The following DAB1 variants were observed in gnomAD, a reference collection of about 807,000 sequenced individuals.
DAB1 encodes DAB adaptor protein 1, also known as disabled homolog 1.
DAB1 carries 15 observed loss-of-function variants against 64.6 expected under a neutral mutation model. That is an observed-to-expected ratio of 0.23 (90% CI 0.16 to 0.36). The LOEUF is 0.36. Ranked by LOEUF, DAB1 falls within the 10% of genes least tolerant of loss-of-function variation. DAB1 has a pLI of 1.00. For synonymous variants in DAB1, 235 were observed against 251.9 expected, an observed-to-expected ratio of 0.93 and a Z score of 0.64; for missense variants, 596 against 706.7, an observed-to-expected ratio of 0.84 and a Z score of 1.78.
chr1:57,438,202 C>T (rs1685767887), intron 7 of DAB1, among the ~76,000 whole-genome samples: 1 of 151,656 alleles, frequency 6.6e-6, no homozygotes, highest in Non-Finnish European at 1.5e-5. Flanking sequence ...ACACAAAGAT[C>T]ATCTGAGATG....
At chr1:57,476,718 A>T (rs1010032165) in intron 7 of DAB1, among the ~76,000 whole-genome samples, 4 of 152,212 alleles carry the variant, frequency 2.6e-5, no homozygotes, top group African/African-American at 9.7e-5. Flanking sequence ...ACTGACATGT[A>T]AGCAGTTAAT....
intron 1 of DAB1, among the ~76,000 whole-genome samples, chr1:57,404,428 A>G (rs1190279834): frequency 1.3e-5 from 2 of 152,234 alleles, no homozygotes; most frequent in African/African-American, 2.4e-5. Flanking sequence ...TTCCCGTTTC[A>G]CAGATGAGAA....
At chr1:58,446,523 G>C (rs1645069544) in intron 3 of DAB1, among the ~76,000 whole-genome samples, 1 of 152,184 alleles carries the variant, frequency 6.6e-6, no homozygotes. Context: ...GCAAAGTACA[G>C]TCAAAAGGGC....
At position 57,695,352 on chromosome 1, in the gene DAB1, GAA is replaced by G. The variant is rs879803970; in HGVS notation, n.552-45689_552-45688del. Among the ~76,000 whole-genome samples the G allele has an allele frequency of 1.3e-3, 67 of 53,012 alleles. 4 individuals are homozygous for G. Among genetic ancestry groups the G allele is most frequent in the African/African-American group, 3.9e-3 (65 of 16,558 alleles). 34.8% of individuals were successfully genotyped at this position (53,012 alleles called of 152,430 possible). ...AGAAAGAAAGAAAGAAAGAAAGAAA[GAA>G]AAGAAAGAAGAAAGAAAGAAAGAAA... On this transcript the variant is annotated intron_variant and non_coding_transcript_variant, in intron 6 of 20. Coordinates refer to the DAB1 transcript ENST00000485760.
At chr1:57,022,808 A>G (rs1002538235) in intron 11 of DAB1, among the ~76,000 whole-genome samples, 1 of 152,280 alleles carries the variant, frequency 6.6e-6, no homozygotes, top group Non-Finnish European at 1.5e-5. Flanking sequence ...TATGTCAAAA[A>G]CAGAACTAAA....
chr1:58,497,505 G>A (rs1270185823), intron 3 of DAB1, among the ~76,000 whole-genome samples: 2 of 152,122 alleles, frequency 1.3e-5, no homozygotes, highest in African/African-American at 2.4e-5. Context: ...TCCAAAATAA[G>A]ACTCCAGGAG....
chr1:58,425,106 T>A (rs1228811407), intron 3 of DAB1, among the ~76,000 whole-genome samples: 1 of 152,278 alleles, frequency 6.6e-6, no homozygotes, highest in Non-Finnish European at 1.5e-5. Context: ...TGGAAGCTGA[T>A]ATCTTTGTCT....
At chr1:57,381,079 C>T (rs902664917) in intron 1 of DAB1, among the ~76,000 whole-genome samples, 5 of 152,106 alleles carry the variant, frequency 3.3e-5, no homozygotes, top group Non-Finnish European at 5.9e-5. Flanking sequence ...CCTCATGTTT[C>T]CCTGTCATTC....
intron 4 of DAB1, among the ~76,000 whole-genome samples, chr1:58,261,196 T>C (rs1569577406): frequency 6.6e-6 from 1 of 152,170 alleles, no homozygotes; most frequent in Non-Finnish European, 1.5e-5. Context: ...TTAAACTGCA[T>C]TCAGTGAACC....
intron 4 of DAB1, among the ~76,000 whole-genome samples, chr1:58,297,735 G>T (rs1004140219): frequency 6.6e-6 from 1 of 152,182 alleles, no homozygotes; most frequent in Non-Finnish European, 1.5e-5. Context: ...ATTAGAGAAG[G>T]CTTCCTGAAA....
intron 2 of DAB1, among the ~76,000 whole-genome samples, chr1:57,264,603 G>C (rs1300777641): frequency 6.6e-6 from 1 of 152,302 alleles, no homozygotes; most frequent in Admixed American, 6.5e-5. Context: ...CTGATGGTCA[G>C]TGATGTCCTG....
chr1:57,331,208 A>G (rs939002233), intron 1 of DAB1, among the ~76,000 whole-genome samples: 1 of 152,238 alleles, frequency 6.6e-6, no homozygotes, highest in Non-Finnish European at 1.5e-5. Context: ...GATAAGAACA[A>G]TAACAATTTA....
intron 1 of DAB1, chr1:57,866,343 A>C (rs951894794): frequency 2.6e-5 from 4 of 152,134 alleles, no homozygotes; most frequent in Non-Finnish European, 5.9e-5. Flanking sequence ...ATTCATTTAC[A>C]TCCTCAGAAC....
chr1:58,371,431 T>C (rs1003312534), intron 3 of DAB1, among the ~76,000 whole-genome samples: 2 of 152,104 alleles, frequency 1.3e-5, no homozygotes, highest in Admixed American at 6.6e-5. Flanking sequence ...TGGTTTGAAA[T>C]TGGAACTTAC....
chr1:58,294,595 A>T (rs577485183), intron 4 of DAB1, among the ~76,000 whole-genome samples: 3 of 152,192 alleles, frequency 2.0e-5, no homozygotes, highest in Non-Finnish European at 4.4e-5. Context: ...GATGTCACAG[A>T]AACATGTCAT....
intron 7 of DAB1, among the ~76,000 whole-genome samples, chr1:57,608,392 AAAAGAG>A (rs1436411561): frequency 1.3e-5 from 2 of 151,370 alleles, no homozygotes; most frequent in South Asian, 2.1e-4. Context: ...AGATATTAAA[AAAAGAG>A]AGAGAGAGAG....
At chr1:58,094,907 C>G (rs576841874) in intron 5 of DAB1, among the ~76,000 whole-genome samples, 33 of 152,308 alleles carry the variant, frequency 2.2e-4, no homozygotes, top group African/African-American at 7.9e-4. Context: ...ACACTGTGGT[C>G]CAAAGACCAC....
intron 2 of DAB1, among the ~76,000 whole-genome samples, chr1:57,221,175 C>T (rs932874192): frequency 2.6e-5 from 4 of 151,332 alleles, no homozygotes; most frequent in African/African-American, 9.7e-5. Context: ...CCTGTTCTCA[C>T]TCATAGGTGG....
chr1:58,146,670 A>G (rs1356990483), intron 5 of DAB1, among the ~76,000 whole-genome samples: 4 of 152,018 alleles, frequency 2.6e-5, no homozygotes, highest in African/African-American at 9.7e-5. Flanking sequence ...TGTTGGCACA[A>G]AAGGCAGCAT....
Sources: allele counts gnomAD v4.1 joint callset (sites outside exome capture counted in the v4.1 genomes callset), GRCh38; gene constraint gnomAD v4.1.1; transcripts MANE v1.5; gene names NCBI Gene and HGNC (gene_info 2026-07-23, HGNC 2026-07-21).